DLGAP1: variants seen among roughly 807,000 people sequenced by gnomAD.
DLGAP1 encodes the protein disks large-associated protein 1.
DLGAP1 carries 11 observed loss-of-function variants against 90.8 expected under a neutral mutation model. The observed-to-expected ratio is 0.12, with a 90% CI of 0.08 to 0.20. DLGAP1 has a LOEUF of 0.20. Ranked by LOEUF, DLGAP1 falls within the 10% of genes least tolerant of loss-of-function variation. DLGAP1 has a pLI of 1.00. For synonymous variants in DLGAP1, 558 were observed against 540.7 expected (o/e 1.03, Z -0.44); for missense variants, 1,050 against 1,333.8 (o/e 0.79, Z 3.31).
At chr18:4,282,893 C>T (rs1309021411) in intron 1 of DLGAP1, among the ~76,000 whole-genome samples, 2 of 152,162 alleles carry the variant, frequency 1.3e-5, no homozygotes, top group Non-Finnish European at 2.9e-5. Context: ...CTGTAATAAA[C>T]TGTCTGGACT....
At chr18:4,425,828 T>C (rs535702527) in intron 1 of DLGAP1, among the ~76,000 whole-genome samples, 2 of 152,320 alleles carry the variant, frequency 1.3e-5, no homozygotes, top group South Asian at 4.1e-4. Flanking sequence ...GACCATATCT[T>C]AGTGGTTTTA....
rs1555773227 is a variant in DLGAP1, at chr18:4,258,008, T to TGC, written c.-266-106722_-266-106721insGC. Among the ~76,000 whole-genome samples, 797 of 140,926 alleles carry TGC rather than the reference T, an allele frequency of 5.7e-3. 4 individuals carry two copies. Among genetic ancestry groups the TGC allele is most frequent in the African/African-American group, 0.023 (756 of 32,366 alleles). 92.5% of individuals were successfully genotyped at this position (140,926 alleles called of 152,430 possible). ...GTGTGTGTGTGTGTGTGTGTGTGTGTGTGCGCGCGCGCGCGTATAACCTAT... is the reference window on the plus strand; with the variant it reads ...GTGTGTGTGTGTGTGTGTGTGTGTGTGCGTGCGCGCGCGCGCGTATAACCTAT... On this transcript the variant is annotated intron_variant, in intron 1 of 12. Transcript: ENST00000315677.
chr18:4,224,900 G>A (rs1370484808), intron 1 of DLGAP1, among the ~76,000 whole-genome samples: 1 of 152,148 alleles, frequency 6.6e-6, no homozygotes, highest in Non-Finnish European at 1.5e-5. Flanking sequence ...GGGACCCAGT[G>A]CTGTGCTGGC....
intron 4 of DLGAP1, among the ~76,000 whole-genome samples, chr18:3,858,372 T>G (rs1470321223): frequency 1.3e-5 from 2 of 152,016 alleles, no homozygotes; most frequent in African/African-American, 4.8e-5. Flanking sequence ...GTCATGTCCT[T>G]TCAACTTTGT....
chr18:4,390,916 T>C (rs968468245), intron 1 of DLGAP1, among the ~76,000 whole-genome samples: 4 of 152,280 alleles, frequency 2.6e-5, no homozygotes, highest in African/African-American at 9.6e-5. Flanking sequence ...GAAGTGCTCC[T>C]CTTGGGCCTG....
chr18:3,558,937 T>C (rs1382153495), intron 9 of DLGAP1, among the ~76,000 whole-genome samples: 1 of 152,216 alleles, frequency 6.6e-6, no homozygotes, highest in African/African-American at 2.4e-5. Context: ...CAAGATAACT[T>C]TGCCACAAAA....
At chr18:3,638,023 T>A (rs1567877288) in intron 7 of DLGAP1, among the ~76,000 whole-genome samples, 6 of 146,086 alleles carry the variant, frequency 4.1e-5, no homozygotes. Context: ...CTTGGCTCAC[T>A]GCAAGCTCCG....
intron 4 of DLGAP1, chr18:3,874,653 G>C: frequency 6.5e-7 from 1 of 1,535,456 alleles, no homozygotes; most frequent in Non-Finnish European, 8.7e-7. Context: ...AAATGTATAA[G>C]AGCCAACCAC....
At chr18:3,597,750 G>C (rs1311309607) in intron 7 of DLGAP1, 2 of 159,126 alleles carry the variant, frequency 1.3e-5, no homozygotes, top group Non-Finnish European at 2.8e-5. Flanking sequence ...AGGATGCATG[G>C]TGAAGTGAAG....
chr18:4,129,256 G>A (rs886197156), intron 2 of DLGAP1, among the ~76,000 whole-genome samples: 1 of 137,640 alleles, frequency 7.3e-6, no homozygotes, highest in African/African-American at 2.8e-5. Context: ...AATGAAGACG[G>A]GTAGCACCTT....
At chr18:3,619,742 C>CTTTTTT (rs10625913) in intron 7 of DLGAP1, among the ~76,000 whole-genome samples, 5 of 112,406 alleles carry the variant, frequency 4.4e-5, no homozygotes, top group East Asian at 2.7e-4. Flanking sequence ...TAGTTTTTTC[C>CTTTTTT]TTTTTTTTTT....
chr18:3,947,848 C>G (rs1394385771), intron 3 of DLGAP1, among the ~76,000 whole-genome samples: 1 of 94,442 alleles, frequency 1.1e-5, no homozygotes, highest in Non-Finnish European at 2.3e-5. Context: ...TCCAGGAGAT[C>G]AGGGCCTCAA....
chr18:3,697,540 C>G (rs897033249), intron 7 of DLGAP1, among the ~76,000 whole-genome samples: 1 of 152,180 alleles, frequency 6.6e-6, no homozygotes, highest in African/African-American at 2.4e-5. Context: ...TTTGATTGCA[C>G]TGTGCTCTAA....
At chr18:4,150,714 G>A (rs1307245963) in intron 2 of DLGAP1, among the ~76,000 whole-genome samples, 4 of 152,240 alleles carry the variant, frequency 2.6e-5, no homozygotes, top group East Asian at 1.9e-4. Flanking sequence ...AATTACAGGC[G>A]TGAGCCACCA....
intron 1 of DLGAP1, among the ~76,000 whole-genome samples, chr18:4,317,389 A>G (rs1341040325): frequency 6.6e-6 from 1 of 152,234 alleles, no homozygotes; most frequent in Admixed American, 6.5e-5. Flanking sequence ...AGGTCATGAC[A>G]TAGAAAAAAA....
At chr18:4,223,872 G>A (rs967456004) in intron 1 of DLGAP1, among the ~76,000 whole-genome samples, 2 of 152,196 alleles carry the variant, frequency 1.3e-5, no homozygotes, top group Non-Finnish European at 2.9e-5. Flanking sequence ...GAAGGTGAAT[G>A]TCTACATTAA....
intron 5 of DLGAP1, among the ~76,000 whole-genome samples, chr18:3,765,392 A>C (rs1419289897): frequency 6.6e-6 from 1 of 151,330 alleles, no homozygotes; most frequent in African/African-American, 2.4e-5. Context: ...GGCCTCCCAA[A>C]GTGCTGGGAT....
intron 1 of DLGAP1, among the ~76,000 whole-genome samples, chr18:4,377,419 A>G (rs2082036377): frequency 6.6e-6 from 1 of 152,198 alleles, no homozygotes; most frequent in African/African-American, 2.4e-5. Context: ...AGTATTTATA[A>G]AAACTCTAAA....
chr18:3,859,367 C>T (rs1233956000), intron 4 of DLGAP1, among the ~76,000 whole-genome samples: 2 of 152,098 alleles, frequency 1.3e-5, no homozygotes, highest in African/African-American at 4.8e-5. Context: ...TAAGAAATAG[C>T]TTATGTTTTA....
Sources: allele counts gnomAD v4.1 joint callset (sites outside exome capture counted in the v4.1 genomes callset), GRCh38; gene constraint gnomAD v4.1.1; transcripts MANE v1.5; gene names NCBI Gene and HGNC (gene_info 2026-07-23, HGNC 2026-07-21).